NPY: variants seen among roughly 807,000 people sequenced by gnomAD.
The protein encoded by NPY is pro-neuropeptide Y.
In NPY, 11 loss-of-function variants were observed where a neutral mutation model predicts 13.2. That is an observed-to-expected ratio of 0.83 (90% CI 0.52 to 1.38). The LOEUF (loss-of-function observed/expected upper bound fraction) is 1.38, where lower values mean the gene tolerates loss of function less well. Ranked by LOEUF, NPY falls within the 40% of genes most tolerant of loss-of-function variation. The pLI is 0.00. For synonymous variants in NPY, 51 were observed against 55.6 expected (o/e 0.92, Z 0.37); for missense variants, 109 against 125.1 (o/e 0.87, Z 0.61).
At position 24,289,591 on chromosome 7, in the gene NPY, C is replaced by CT. The variant is rs761471327; in HGVS notation, c.269+14dup. The CT allele has an allele frequency of 1.9e-6, 3 of 1,603,886 alleles. No individual in the cohort carries two copies. Among genetic ancestry groups the CT allele is most frequent in the Non-Finnish European group, 2.6e-6 (3 of 1,173,436 alleles). ...GTTCCCAGAACTCGGTATGACAAGG[C>CT]TTGTGATGGGGACATTGTTGCAGAG... On this transcript the variant is annotated intron_variant, in intron 3 of 3. Transcript: ENST00000242152.
chr7:24,284,859 A>G lies in NPY; in HGVS notation c.1-382A>G. 1.6e-5 allele frequency: 5 copies of G among 312,098 alleles called. No homozygotes were observed. In the South Asian group the frequency reaches 1.7e-4, roughly 10 times the overall value. 19.3% of individuals were successfully genotyped at this position (312,098 alleles called of 1,614,324 possible). On this transcript the variant is annotated intron_variant, in intron 1 of 3. Coordinates refer to ENST00000242152, the MANE Select transcript of NPY (RefSeq NM_000905.4). ...AGGCAGACCAGAAGTAACAGAGAAG[A>G]AACTTTTCTTCCCAGACAAGAGTTT...
intron 3 of NPY, 119 bp downstream of exon 3, chr7:24,289,698 G>T (rs1030493005): frequency 3.3e-6 from 2 of 605,542 alleles, no homozygotes. Flanking sequence ...GGGAGATTTC[G>T]GCAGAAATGA....
At chr7:24,284,509 C>T (rs2128231498) in intron 1 of NPY, among the ~76,000 whole-genome samples, 1 of 152,332 alleles carries the variant, frequency 6.6e-6, no homozygotes, top group South Asian at 2.1e-4. Flanking sequence ...CCGGGCCCTT[C>T]CCGCTGGGCG....
intron 3 of NPY, among the ~76,000 whole-genome samples, chr7:24,291,000 T>G (rs1787581310): frequency 6.6e-6 from 1 of 152,106 alleles, no homozygotes; most frequent in South Asian, 2.1e-4. Context: ...ATGCATATGA[T>G]GTTTGCCACA....
rs1743914825 is a variant in NPY at position 24,285,128 on chromosome 7, T to C, written c.1-113T>C. ...TCTGCGGGACTGGGACGAGAGCGGATTGGGGGTCGCGTGTGGTAGCAGGAG... is the reference window on the plus strand; with the variant it reads ...TCTGCGGGACTGGGACGAGAGCGGACTGGGGGTCGCGTGTGGTAGCAGGAG... On this transcript the variant is annotated intron_variant, in intron 1 of 3. Coordinates refer to ENST00000242152, the MANE Select transcript of NPY (RefSeq NM_000905.4). The surrounding 1 kb of genome is among the most constrained non-coding windows in gnomAD (Gnocchi z 4.9). 9.4e-7 allele frequency: 1 copy of C among 1,063,288 alleles called. No individual in the cohort carries two copies. The highest frequency in any genetic ancestry group is 1.4e-6 in the Non-Finnish European group (1 of 701,108). 65.9% of individuals were successfully genotyped at this position (1,063,288 alleles called of 1,614,324 possible).
At chr7:24,288,687 G>GAAAAAAAA (rs59946765) in intron 2 of NPY, among the ~76,000 whole-genome samples, 1 of 89,028 alleles carries the variant, frequency 1.1e-5, no homozygotes, top group African/African-American at 3.9e-5. Context: ...TGCTACAGGA[G>GAAAAAAAA]AAAAAAAAAA....
intron 3 of NPY, among the ~76,000 whole-genome samples, chr7:24,291,111 TCA>T (rs1416680190): frequency 6.6e-6 from 1 of 152,102 alleles, no homozygotes; most frequent in Non-Finnish European, 1.5e-5. Context: ...TGGCCCAAGG[TCA>T]CACAGTTAGT....
intron 1 of NPY, 63 bp downstream of exon 1, chr7:24,284,338 A>C (rs1787269926): frequency 6.6e-6 from 1 of 152,436 alleles, no homozygotes; most frequent in African/African-American, 2.4e-5. Context: ...AACTTGCTAG[A>C]GACGCAGCCT....
intron 3 of NPY, among the ~76,000 whole-genome samples, chr7:24,291,216 A>C (rs551152255): frequency 1.3e-5 from 2 of 152,160 alleles, no homozygotes; most frequent in African/African-American, 4.8e-5. Context: ...GTTGCCTATG[A>C]GTGCTATTTT....
At position 24,285,213 on chromosome 7, in the gene NPY, C is replaced by G; in HGVS notation, c.1-28C>G. On this transcript the variant is annotated intron_variant, in intron 1 of 3. Transcript: ENST00000242152. This position sits in a 1 kb window ranked among gnomAD's most constrained non-coding sequence, Gnocchi z 4.9. ...GCGTGGGTGCTCTGAATCCCCAAGC[C>G]CGTCCGTTGAGCCTTCTGTGCCTGC... 1.9e-6 allele frequency: 3 copies of G among 1,613,234 alleles called. No homozygotes were observed. The highest frequency in any genetic ancestry group is 1.7e-6 in the Non-Finnish European group (2 of 1,179,404).
At chr7:24,290,483 C>T (rs140893749) in intron 3 of NPY, among the ~76,000 whole-genome samples, 31 of 152,232 alleles carry the variant, frequency 2.0e-4, no homozygotes, top group Admixed American at 7.8e-4. Context: ...GTGTGACTGA[C>T]GTGGCTCTCC....
At chr7:24,286,142 G>A (rs1291750428) in intron 2 of NPY, among the ~76,000 whole-genome samples, 3 of 152,152 alleles carry the variant, frequency 2.0e-5, no homozygotes, top group East Asian at 3.9e-4. Context: ...AGAAACTTAC[G>A]TTGGTCCAGT....
intron 2 of NPY, among the ~76,000 whole-genome samples, chr7:24,286,193 A>C (rs1168596105): frequency 6.6e-6 from 1 of 152,210 alleles, no homozygotes; most frequent in Non-Finnish European, 1.5e-5. Context: ...AATCTGAGAA[A>C]TTGTAAACTT....
intron 2 of NPY, 30 bp from the exon 3 acceptor site, chr7:24,289,469 A>G: frequency 6.5e-7 from 1 of 1,546,600 alleles, no homozygotes. Flanking sequence ...CCTATTCCAA[A>G]CTTGCTTTAA....
chr7:24,289,352 T>C (rs1787510306), intron 2 of NPY, 147 bp from the exon 3 acceptor site: 8 of 434,310 alleles, frequency 1.8e-5, no homozygotes, highest in Admixed American at 8.4e-5. Context: ...CGATAATATA[T>C]GCTTCATACA....
Position 24,285,373 on chromosome 7 carries a change from A to C in NPY, c.133A>C (p.Met45Leu), listed in dbSNP as rs368302969. ...NPGEDAPAEDMARYYSALRHY... is the reference protein window; with the variant it reads ...NPGEDAPAEDLARYYSALRHY... Reference sequence around the variant, plus strand: ...GGGCGAGGACGCACCAGCGGAGGACATGGCCAGATACTACTCGGCGCTGCG... The same window carrying C: ...GGGCGAGGACGCACCAGCGGAGGACCTGGCCAGATACTACTCGGCGCTGCG... Residue 45 changes from methionine (M) to leucine (L), a missense_variant, in exon 2 of 4, where the codon ATG (methionine) becomes CTG (leucine). By Grantham distance (15) the Met-to-Leu change is conservative (BLOSUM62 2). Coordinates refer to ENST00000242152, the MANE Select transcript of NPY (RefSeq NM_000905.4). The surrounding 1 kb of genome is among the most constrained non-coding windows in gnomAD (Gnocchi z 4.9). The C allele has an allele frequency of 5.2e-5, 84 of 1,613,916 alleles. No homozygotes were observed. The highest frequency in any genetic ancestry group is 6.9e-5 in the Non-Finnish European group (82 of 1,180,016).
chr7:24,288,573 G>T (rs888924847), intron 2 of NPY, among the ~76,000 whole-genome samples: 1 of 150,552 alleles, frequency 6.6e-6, no homozygotes, highest in Non-Finnish European at 1.5e-5. Flanking sequence ...ACGCAATTTG[G>T]TATAGACTTG....
chr7:24,290,775 A>ATT (rs1554351567), intron 3 of NPY, among the ~76,000 whole-genome samples: 9 of 129,638 alleles, frequency 6.9e-5, no homozygotes, highest in South Asian at 2.6e-4. Flanking sequence ...TAATAATAAT[A>ATT]ATTATTATTA....
In NPY at chr7:24,289,578, C is replaced by T. The variant is rs757616484; in HGVS notation, c.268C>T (p.Arg90Trp). 22 of 1,608,010 alleles carry T rather than the reference C, an allele frequency of 1.4e-5. No individual in the cohort carries two copies. The South Asian group carries it at 1.4e-4, about 11-fold the overall frequency. Residue 90 changes from arginine to tryptophan, a missense_variant and splice_region_variant, in exon 3 of 4, where the codon CGG (arginine) becomes TGG (tryptophan). By Grantham distance (101) the Arg-to-Trp change is moderately radical (BLOSUM62 -3). Coordinates refer to ENST00000242152, the MANE Select transcript of NPY (RefSeq NM_000905.4). ...AAGCACAGAAAATGTTCCCAGAACT[C>T]GGTATGACAAGGCTTGTGATGGGGA... ...RESTENVPRT[R>W]LEDPAMW
Sources: allele counts gnomAD v4.1 joint callset (sites outside exome capture counted in the v4.1 genomes callset), GRCh38; gene constraint gnomAD v4.1.1; non-coding constraint Gnocchi (gnomAD v3.1); transcripts MANE v1.5; gene names NCBI Gene and HGNC (gene_info 2026-07-23, HGNC 2026-07-21).